The following CPNE8 variants were observed in gnomAD, a reference collection of about 807,000 sequenced individuals.
CPNE8 encodes copine-8.
CPNE8 carries 45 observed loss-of-function variants against 81.5 expected under a neutral mutation model. The ratio of observed to expected loss-of-function variants is 0.55; its 90% CI spans 0.44 to 0.71. The LOEUF is 0.71. Ranked by LOEUF, CPNE8 falls within the 30% of genes least tolerant of loss-of-function variation. The pLI is 0.00. For synonymous variants in CPNE8, 252 were observed against 226.3 expected (o/e 1.11, Z -1.02); for missense variants, 594 against 672.1 (o/e 0.88, Z 1.28).
chr12:38,855,781 A>G (rs1402112322), intron 3 of CPNE8, among the ~76,000 whole-genome samples: 1 of 152,124 alleles, frequency 6.6e-6, no homozygotes, highest in Non-Finnish European at 1.5e-5. Flanking sequence ...AAACAACCTG[A>G]TTTAATTATT....
chr12:38,711,741 T>A (rs905885385), intron 13 of CPNE8, among the ~76,000 whole-genome samples: 34 of 152,286 alleles, frequency 2.2e-4, no homozygotes, highest in Admixed American at 1.4e-3. Flanking sequence ...AGTGCTGGGA[T>A]TACAGGCATG....
intron 1 of CPNE8, among the ~76,000 whole-genome samples, chr12:38,878,517 G>A (rs1157517709): frequency 6.6e-6 from 1 of 152,220 alleles, no homozygotes; most frequent in Non-Finnish European, 1.5e-5. Flanking sequence ...ACAACAGTCA[G>A]TTAGCTCATC....
chr12:38,692,694 A>C (rs1296308895), intron 15 of CPNE8, among the ~76,000 whole-genome samples: 1 of 152,190 alleles, frequency 6.6e-6, no homozygotes, highest in Non-Finnish European at 1.5e-5. Context: ...ATATGAAAGG[A>C]AAATTAATAA....
chr12:38,663,588 G>A (rs1939004612), intron 19 of CPNE8, among the ~76,000 whole-genome samples: 1 of 151,950 alleles, frequency 6.6e-6, no homozygotes, highest in Non-Finnish European at 1.5e-5. Flanking sequence ...ATGGAAAAGA[G>A]AACTACCATA....
At chr12:38,808,160 G>C (rs1310268453) in intron 6 of CPNE8, among the ~76,000 whole-genome samples, 1 of 152,122 alleles carries the variant, frequency 6.6e-6, no homozygotes, top group African/African-American at 2.4e-5. Flanking sequence ...TGGTGGGACT[G>C]TAAACTAGTT....
At chr12:38,790,886 GT>G (rs1452132674) in intron 6 of CPNE8, among the ~76,000 whole-genome samples, 2 of 151,696 alleles carry the variant, frequency 1.3e-5, no homozygotes, top group Non-Finnish European at 3.0e-5. Context: ...GTAGTTGTTT[GT>G]TTTTGTAACA....
intron 6 of CPNE8, among the ~76,000 whole-genome samples, chr12:38,780,193 G>A (rs1942020750): frequency 6.6e-6 from 1 of 151,936 alleles, no homozygotes; most frequent in African/African-American, 2.4e-5. Context: ...CTGTCCTCCT[G>A]GTTCCCTTGT....
At chr12:38,791,275 G>T (rs1331175971) in intron 6 of CPNE8, among the ~76,000 whole-genome samples, 1 of 151,468 alleles carries the variant, frequency 6.6e-6, no homozygotes, top group African/African-American at 2.4e-5. Flanking sequence ...CCTACTCAAT[G>T]ACCTTTTCTC....
intron 3 of CPNE8, among the ~76,000 whole-genome samples, chr12:38,862,715 G>T (rs1015990259): frequency 6.6e-6 from 1 of 152,182 alleles, no homozygotes; most frequent in African/African-American, 2.4e-5. Context: ...TTGGGAGGCC[G>T]AGGCAGGTGG....
chr12:38,882,541 G>A (rs1027159316), intron 1 of CPNE8, among the ~76,000 whole-genome samples: 1 of 152,150 alleles, frequency 6.6e-6, no homozygotes, highest in Non-Finnish European at 1.5e-5. Context: ...AACGAGTACA[G>A]CCAGTAACAC....
chr12:38,728,329 G>C (rs536132724), intron 11 of CPNE8, among the ~76,000 whole-genome samples: 1 of 151,976 alleles, frequency 6.6e-6, no homozygotes, highest in African/African-American at 2.4e-5. Context: ...GAAATCATGC[G>C]TAAAGGATGA....
chr12:38,768,420 CAT>C lies in CPNE8; in HGVS notation c.472-684_472-683del, dbSNP rs1437338248. 8.5e-5 allele frequency among the ~76,000 whole-genome samples: 13 copies of C among 152,190 alleles called. No individual in the cohort carries two copies. The East Asian group carries it at 2.5e-3, about 29-fold the overall frequency. On this transcript the variant is annotated intron_variant, in intron 7 of 19. Coordinates refer to ENST00000331366, the MANE Select transcript of CPNE8 (RefSeq NM_153634.3). ...TTTAAAGGAAAACAAGCTAGGGTAT[CAT>C]AACACATTATTGATAACCATTTTTA... is the stretch of plus-strand genomic sequence containing the variant.
intron 6 of CPNE8, among the ~76,000 whole-genome samples, chr12:38,795,861 ATGGATG>A (rs1565620156): frequency 1.5e-5 from 2 of 133,582 alleles, no homozygotes; most frequent in Non-Finnish European, 3.2e-5. Flanking sequence ...TGATAGATGG[ATGGATG>A]GATAGATAGA....
At chr12:38,842,013 T>C (rs1046970466) in intron 4 of CPNE8, among the ~76,000 whole-genome samples, 1 of 147,232 alleles carries the variant, frequency 6.8e-6, no homozygotes, top group Admixed American at 6.9e-5. Context: ...CATACTTTAA[T>C]AATTAAATTT....
intron 6 of CPNE8, among the ~76,000 whole-genome samples, chr12:38,805,747 C>G (rs1942784472): frequency 1.4e-5 from 2 of 141,132 alleles, no homozygotes; most frequent in African/African-American, 2.6e-5. Context: ...CAAGAAATAA[C>G]TAAGATCAGA....
chr12:38,742,658 C>A (rs1042296332), intron 10 of CPNE8, among the ~76,000 whole-genome samples: 2 of 142,048 alleles, frequency 1.4e-5, no homozygotes, highest in Non-Finnish European at 3.1e-5. Flanking sequence ...TGCACATGTA[C>A]CCTAGAACTT....
intron 5 of CPNE8, among the ~76,000 whole-genome samples, chr12:38,831,261 C>G (rs967343735): frequency 2.0e-5 from 3 of 152,084 alleles, no homozygotes; most frequent in Non-Finnish European, 1.5e-5. Flanking sequence ...AGAGAGGGCC[C>G]TCATGACCAG....
intron 10 of CPNE8, among the ~76,000 whole-genome samples, chr12:38,738,324 T>C (rs1425610715): frequency 6.6e-6 from 1 of 152,180 alleles, no homozygotes; most frequent in East Asian, 1.9e-4. Flanking sequence ...CAAAAATATA[T>C]GTCTACCCAG....
intron 6 of CPNE8, among the ~76,000 whole-genome samples, chr12:38,788,729 C>G (rs971686498): frequency 6.6e-6 from 1 of 151,198 alleles, no homozygotes; most frequent in Non-Finnish European, 1.5e-5. Context: ...AGATGCCACA[C>G]AAAAAAACTA....
Sources: gnomAD v4.1 joint callset for allele counts (sites outside exome capture counted in the v4.1 genomes callset) on GRCh38, gnomAD v4.1.1 for gene constraint, MANE v1.5 for transcripts, NCBI Gene and HGNC (gene_info 2026-07-23, HGNC 2026-07-21) for gene names.